The following BMERB1 variants were observed in gnomAD, a reference collection of about 807,000 sequenced individuals.
The protein encoded by BMERB1 is bMERB domain containing 1.
A neutral mutation model predicts 23.6 loss-of-function variants in BMERB1; 12 were observed. The observed-to-expected ratio is 0.51, with a 90% CI of 0.33 to 0.82. The LOEUF (loss-of-function observed/expected upper bound fraction) is 0.82, where lower values mean the gene tolerates loss of function less well. Among genes scored for constraint, BMERB1 ranks in the 40% least tolerant of loss-of-function variants. The probability of loss-of-function intolerance (pLI) is 0.03; values close to 1 mark genes in which losing one functional copy is unlikely to be tolerated. For missense variants in BMERB1, 247 were observed against 255.4 expected (o/e 0.97, Z 0.22); for synonymous variants, 122 against 96.6 (o/e 1.26, Z -1.54).
At position 15,514,281 on chromosome 16, in the gene BMERB1, A is replaced by G. The variant is rs76367062; in HGVS notation, c.107-1024A>G. Among the ~76,000 whole-genome samples the G allele has an allele frequency of 1.4e-3, 209 of 152,286 alleles. 5 individuals are homozygous for G. The East Asian group carries it at 0.025, about 18-fold the overall frequency. ...AGGCCTAGTCTCCAAAACAAATGAAAAAATACTTAACACTACTTGGTAGTA... is the reference window on the plus strand; with the variant it reads ...AGGCCTAGTCTCCAAAACAAATGAAGAAATACTTAACACTACTTGGTAGTA... On this transcript the variant is annotated intron_variant, in intron 1 of 5. Coordinates refer to ENST00000300006, the MANE Select transcript of BMERB1 (RefSeq NM_033201.3).
At chr16:15,512,761 C>T (rs1392441251) in intron 1 of BMERB1, among the ~76,000 whole-genome samples, 1 of 151,802 alleles carries the variant, frequency 6.6e-6, no homozygotes, top group Non-Finnish European at 1.5e-5. Flanking sequence ...AGCCTGTAAC[C>T]CAAGCTACTC....
chr16:15,557,227 T>C (rs2030288152), intron 2 of BMERB1, among the ~76,000 whole-genome samples: 2 of 152,174 alleles, frequency 1.3e-5, no homozygotes, highest in Non-Finnish European at 2.9e-5. Flanking sequence ...TGGCTTTCTT[T>C]TCCTTCCGAA....
intron 1 of BMERB1, among the ~76,000 whole-genome samples, chr16:15,435,142 C>T (rs1016172276): frequency 3.3e-5 from 5 of 152,250 alleles, no homozygotes; most frequent in African/African-American, 1.2e-4. Context: ...GCGGGACCGT[C>T]CTGGAAAGCG....
intron 5 of BMERB1, chr16:15,583,982 C>T (rs1200252454): frequency 1.4e-6 from 1 of 701,686 alleles, no homozygotes; most frequent in Non-Finnish European, 2.6e-6. Context: ...GCTACTGAGG[C>T]TCAGGGAGCT....
intron 2 of BMERB1, among the ~76,000 whole-genome samples, chr16:15,558,197 G>A (rs2030320141): frequency 6.6e-6 from 1 of 152,106 alleles, no homozygotes; most frequent in Non-Finnish European, 1.5e-5. Context: ...CCCATGGGTA[G>A]TAAGCCAATC....
At chr16:15,505,781 G>A (rs2051583068) in intron 1 of BMERB1, among the ~76,000 whole-genome samples, 1 of 151,812 alleles carries the variant, frequency 6.6e-6, no homozygotes, top group Admixed American at 6.6e-5. Flanking sequence ...CCAGCTACTT[G>A]GGAGGCTGAG....
rs537704500 is a variant in BMERB1 at position 15,434,606 on chromosome 16, G to A, written c.-48G>A. 9.0e-6 allele frequency: 14 copies of A among 1,559,298 alleles called. No individual in the cohort carries two copies. The South Asian group carries it at 1.0e-4, about 11-fold the overall frequency. The stretch of plus-strand genomic sequence containing the variant: ...CACCTCCCTCCCTGCAGCCCGCAAC[G>A]GGAATGGAGTAAAGGGAGACCCGTC... On this transcript the variant is annotated 5_prime_UTR_variant, in exon 1 of 6. Transcript: ENST00000300006.
At chr16:15,527,795 C>G (rs1309293572) in intron 2 of BMERB1, among the ~76,000 whole-genome samples, 1 of 152,046 alleles carries the variant, frequency 6.6e-6, no homozygotes, top group Non-Finnish European at 1.5e-5. Flanking sequence ...CCATCTAGTC[C>G]CAATACCCAC....
At chr16:15,437,890 G>A (rs370656601) in intron 1 of BMERB1, among the ~76,000 whole-genome samples, 25 of 151,818 alleles carry the variant, frequency 1.6e-4, no homozygotes, top group South Asian at 1.5e-3. Context: ...CCTGGGAGGC[G>A]GAGCTTGCAG....
chr16:15,458,189 T>C (rs771260927), intron 1 of BMERB1, among the ~76,000 whole-genome samples: 7 of 152,216 alleles, frequency 4.6e-5, no homozygotes, highest in Non-Finnish European at 8.8e-5. Flanking sequence ...CCTCTTCTCT[T>C]GGCTTTTGTG....
intron 2 of BMERB1, among the ~76,000 whole-genome samples, chr16:15,526,441 G>A (rs58647462): frequency 0.029 from 4,431 of 152,160 alleles, 204 homozygotes; most frequent in South Asian, 0.11. Context: ...TGAGGTGGGT[G>A]GATCACAAGT....
chr16:15,441,076 G>T (rs544706957), intron 1 of BMERB1, among the ~76,000 whole-genome samples: 1 of 152,216 alleles, frequency 6.6e-6, no homozygotes, highest in East Asian at 1.9e-4. Context: ...GTGAAGGGCA[G>T]ATGAATCAGA....
At chr16:15,554,288 G>A (rs1351056850) in intron 2 of BMERB1, among the ~76,000 whole-genome samples, 1 of 152,128 alleles carries the variant, frequency 6.6e-6, no homozygotes, top group Non-Finnish European at 1.5e-5. Context: ...ACTCTGTGAC[G>A]TTGAACAAGT....
At chr16:15,478,261 G>T (rs1319860449) in intron 1 of BMERB1, among the ~76,000 whole-genome samples, 1 of 152,210 alleles carries the variant, frequency 6.6e-6, no homozygotes, top group East Asian at 1.9e-4. Flanking sequence ...CCGGGTTCAA[G>T]CGATTCTCCT....
intron 1 of BMERB1, among the ~76,000 whole-genome samples, chr16:15,472,427 ACT>A (rs2051237053): frequency 1.3e-5 from 2 of 151,820 alleles, no homozygotes; most frequent in Admixed American, 6.6e-5. Flanking sequence ...GCATCTTCAG[ACT>A]CTCTGTTGTT....
At chr16:15,459,263 A>C (rs1449876466) in intron 1 of BMERB1, among the ~76,000 whole-genome samples, 3 of 152,104 alleles carry the variant, frequency 2.0e-5, no homozygotes, top group Non-Finnish European at 2.9e-5. Context: ...GTCAGGTGTA[A>C]ATCCAACCAC....
At chr16:15,491,860 C>T (rs1447814429) in intron 1 of BMERB1, among the ~76,000 whole-genome samples, 1 of 152,160 alleles carries the variant, frequency 6.6e-6, no homozygotes, top group Non-Finnish European at 1.5e-5. Flanking sequence ...CACTGTCTAC[C>T]CCCGTAATGG....
intron 2 of BMERB1, among the ~76,000 whole-genome samples, chr16:15,520,633 G>A (rs1264459722): frequency 2.0e-5 from 3 of 151,926 alleles, no homozygotes; most frequent in South Asian, 2.1e-4. Flanking sequence ...ACAGGCGCCC[G>A]CCACCACGCC....
intron 3 of BMERB1, among the ~76,000 whole-genome samples, chr16:15,571,284 A>G (rs933872863): frequency 3.3e-5 from 5 of 152,220 alleles, no homozygotes; most frequent in South Asian, 2.1e-4. Context: ...AAAGGAAAAT[A>G]AAGTCCCAGG....
Sources: gnomAD v4.1 joint callset for allele counts (sites outside exome capture counted in the v4.1 genomes callset) on GRCh38, gnomAD v4.1.1 for gene constraint, MANE v1.5 for transcripts, NCBI Gene and HGNC (gene_info 2026-07-23, HGNC 2026-07-21) for gene names.